The following EFNB2 variants were observed in gnomAD, a reference collection of about 807,000 sequenced individuals.
EFNB2 encodes ephrin-B2.
A neutral mutation model predicts 32.1 loss-of-function variants in EFNB2; 5 were observed. The observed-to-expected ratio is 0.16, with a 90% CI of 0.08 to 0.33. EFNB2 has a LOEUF of 0.33. Among genes scored for constraint, EFNB2 ranks in the 10% least tolerant of loss-of-function variants. The pLI is 1.00. For synonymous variants in EFNB2, 168 were observed against 166.5 expected (o/e 1.01, Z -0.07); for missense variants, 263 against 422.6 (o/e 0.62, Z 3.31).
Position 106,491,321 on chromosome 13 carries a change from G to A in EFNB2, c.*1719C>T, listed in dbSNP as rs948532074. On this transcript the variant is annotated 3_prime_UTR_variant, in exon 5 of 5. Coordinates refer to ENST00000646441, the MANE Select transcript of EFNB2 (RefSeq NM_004093.4). The stretch of plus-strand genomic sequence containing the variant: ...GCCTTCGGAGGACTTGGTTATTTTT[G>A]CATTTGCTCTCATTATTGTTCTTTT... The A allele has an allele frequency of 5.9e-5, 9 of 152,546 alleles. No homozygotes were observed. The highest frequency in any genetic ancestry group is 2.2e-4 in the African/African-American group (9 of 41,410). 9.4% of individuals were successfully genotyped at this position (152,546 alleles called of 1,614,324 possible).
intron 2 of EFNB2, among the ~76,000 whole-genome samples, chr13:106,505,318 T>C (rs940769870): frequency 2.0e-5 from 3 of 152,204 alleles, no homozygotes; most frequent in African/African-American, 7.2e-5. Context: ...GGAGGCACTG[T>C]TGTAAACTAA....
intron 2 of EFNB2, among the ~76,000 whole-genome samples, chr13:106,497,276 C>T (rs1486927742): frequency 6.6e-6 from 1 of 152,128 alleles, no homozygotes; most frequent in Non-Finnish European, 1.5e-5. Flanking sequence ...TCTCTGAGTG[C>T]TTGCTTAAAC....
rs543387615 is a variant in EFNB2 at position 106,522,315 on chromosome 13, G to GT, written c.123-9504dup. Among the ~76,000 whole-genome samples the GT allele has an allele frequency of 3.3e-5, 5 of 152,320 alleles. No individual in the cohort carries two copies. The East Asian group carries it at 7.7e-4, about 24-fold the overall frequency. Reference sequence around the variant, plus strand: ...TCCCAACTGTAATTTGTGTGCACCTGTACGGTCTTGTTCCAAACCATGCTT... The same window carrying GT: ...TCCCAACTGTAATTTGTGTGCACCTGTTACGGTCTTGTTCCAAACCATGCTT... On this transcript the variant is annotated intron_variant, in intron 1 of 4. Coordinates refer to ENST00000646441, the MANE Select transcript of EFNB2 (RefSeq NM_004093.4).
At chr13:106,521,601 A>G (rs1167248161) in intron 1 of EFNB2, 3 of 152,206 alleles carry the variant, frequency 2.0e-5, no homozygotes, top group African/African-American at 7.2e-5. Context: ...AGTCAAAATA[A>G]TATTAAATTT....
At chr13:106,533,325 C>A (rs1480161278) in intron 1 of EFNB2, among the ~76,000 whole-genome samples, 1 of 152,134 alleles carries the variant, frequency 6.6e-6, no homozygotes, top group Non-Finnish European at 1.5e-5. Context: ...GAGGTCCTAG[C>A]CCGGCTCCTT....
At chr13:106,515,284 A>G (rs1879276173) in intron 1 of EFNB2, among the ~76,000 whole-genome samples, 1 of 152,166 alleles carries the variant, frequency 6.6e-6, no homozygotes, top group African/African-American at 2.4e-5. Flanking sequence ...TTCATTTTAC[A>G]AACACGCCAG....
chr13:106,525,159 ACT>A (rs1879655976), intron 1 of EFNB2, among the ~76,000 whole-genome samples: 1 of 152,028 alleles, frequency 6.6e-6, no homozygotes, highest in African/African-American at 2.4e-5. Flanking sequence ...AAATTTTGTT[ACT>A]CTTTTATTCA....
chr13:106,528,650 C>G (rs964290678), intron 1 of EFNB2, among the ~76,000 whole-genome samples: 1 of 152,132 alleles, frequency 6.6e-6, no homozygotes, highest in Non-Finnish European at 1.5e-5. Flanking sequence ...AAATAGGGGG[C>G]AATCGAGCAA....
At chr13:106,495,498 TTATC>T (rs66616530) in intron 3 of EFNB2, among the ~76,000 whole-genome samples, 41,078 of 144,702 alleles carry the variant, frequency 0.28, 5,805 homozygotes, top group East Asian at 0.42. Context: ...TATCTATCTA[TTATC>T]TATCTATCTA....
intron 4 of EFNB2, among the ~76,000 whole-genome samples, chr13:106,494,677 A>G (rs1179017891): frequency 6.6e-6 from 1 of 152,234 alleles, no homozygotes; most frequent in African/African-American, 2.4e-5. Context: ...ACTCCTTTGA[A>G]TATATGACTT....
chr13:106,525,667 C>T (rs1879675595), intron 1 of EFNB2, among the ~76,000 whole-genome samples: 1 of 152,176 alleles, frequency 6.6e-6, no homozygotes, highest in Non-Finnish European at 1.5e-5. Context: ...TGTTTCCGGA[C>T]CCCTCCAGAG....
At position 106,518,391 on chromosome 13, in the gene EFNB2, C is replaced by T. The variant is rs566091810; in HGVS notation, c.123-5579G>A. On this transcript the variant is annotated intron_variant, in intron 1 of 4. Coordinates refer to ENST00000646441, the MANE Select transcript of EFNB2 (RefSeq NM_004093.4). This position sits in a 1 kb window ranked among gnomAD's most constrained non-coding sequence, Gnocchi z 4.1. ...CACAATATTCTTTAATATTAATAGA[C>T]TAGAACACAGCATAATTAATGAAGA... 6.6e-6 allele frequency: 1 copy of T among 152,292 alleles called. No homozygotes were observed. Among genetic ancestry groups the T allele is most frequent in the African/African-American group, 2.4e-5 (1 of 41,570 alleles). 9.4% of individuals were successfully genotyped at this position (152,292 alleles called of 1,614,324 possible).
intron 3 of EFNB2, 91 bp downstream of exon 3, chr13:106,495,657 A>G: frequency 8.1e-7 from 1 of 1,227,580 alleles, no homozygotes; most frequent in Non-Finnish European, 1.2e-6. Context: ...AAGAAGAGCG[A>G]ATGAAGGTGG....
At chr13:106,502,598 A>G (rs144152796) in intron 2 of EFNB2, among the ~76,000 whole-genome samples, 9 of 152,342 alleles carry the variant, frequency 5.9e-5, no homozygotes, top group African/African-American at 2.2e-4. Context: ...CCATCATGCT[A>G]TGCGAGGCTT....
intron 1 of EFNB2, chr13:106,517,182 A>G (rs145703134): frequency 6.0e-4 from 91 of 152,348 alleles, no homozygotes; most frequent in Middle Eastern, 3.4e-3. Flanking sequence ...GATGATGATA[A>G]CTGGCTAAGT....
rs965396508 is a variant in EFNB2 at position 106,535,444 on chromosome 13, T to C, written c.-480A>G. The stretch of plus-strand genomic sequence containing the variant: ...CGGGCGCCGCGTCGGCGCGGTTCCA[T>C]GTCCCGGAGCACGGAGCGGAGTAGG... On this transcript the variant is annotated 5_prime_UTR_variant, in exon 1 of 5. The change abolishes an upstream ATG in the 5' untranslated region. Transcript: ENST00000646441. 3 of 149,908 alleles carry C rather than the reference T, an allele frequency of 2.0e-5. No individual in the cohort carries two copies. Among genetic ancestry groups the C allele is most frequent in the Admixed American group, 6.6e-5 (1 of 15,060 alleles). The allele number at this position is 149,908 out of a possible 1,614,324, so 9.3% of individuals were successfully genotyped here. A position where few individuals can be genotyped will look rare whatever the true frequency, so the allele number is the denominator to read the frequency against.
At chr13:106,521,575 C>G (rs577833536) in intron 1 of EFNB2, 5 of 152,244 alleles carry the variant, frequency 3.3e-5, no homozygotes, top group African/African-American at 1.2e-4. Context: ...CTCTGTCAGT[C>G]TACAATTAGC....
intron 1 of EFNB2, among the ~76,000 whole-genome samples, chr13:106,523,192 A>G (rs1471929334): frequency 6.6e-6 from 1 of 152,160 alleles, no homozygotes; most frequent in African/African-American, 2.4e-5. Context: ...AGGAAGAAAA[A>G]CAAAGCAGGC....
At chr13:106,497,553 T>G (rs536464353) in intron 2 of EFNB2, among the ~76,000 whole-genome samples, 2 of 152,196 alleles carry the variant, frequency 1.3e-5, no homozygotes, top group South Asian at 4.1e-4. Context: ...AATTTTTTTT[T>G]ATTATACTTT....
Sources: allele counts gnomAD v4.1 joint callset (sites outside exome capture counted in the v4.1 genomes callset), GRCh38; gene constraint gnomAD v4.1.1; non-coding constraint Gnocchi (gnomAD v3.1); transcripts MANE v1.5; gene names NCBI Gene and HGNC (gene_info 2026-07-23, HGNC 2026-07-21).